The following ST3GAL4 variants were observed in gnomAD, a reference collection of about 807,000 sequenced individuals.
ST3GAL4 encodes the protein ST3 beta-galactoside alpha-2,3-sialyltransferase 4.
A neutral mutation model predicts 42.6 loss-of-function variants in ST3GAL4; 24 were observed. That is an observed-to-expected ratio of 0.56 (90% CI 0.41 to 0.79). The LOEUF (loss-of-function observed/expected upper bound fraction) is 0.79, where lower values mean the gene tolerates loss of function less well. Ranked by LOEUF, ST3GAL4 falls within the 30% of genes least tolerant of loss-of-function variation. The pLI is 0.00. For synonymous variants in ST3GAL4, 135 were observed against 163.2 expected, an observed-to-expected ratio of 0.83 and a Z score of 1.32; for missense variants, 311 against 430.8, an observed-to-expected ratio of 0.72 and a Z score of 2.46.
rs1952729399 is a variant in ST3GAL4 at position 126,373,528 on chromosome 11, G to A, written c.-61+17686G>A. ...ACCAAGGTATGATTTTCAAGTGGTT[G>A]GTGTCTTGTGACTGGCAGCTGATAA... On this transcript the variant is annotated intron_variant, in intron 1 of 10. Coordinates refer to ENST00000444328, the MANE Select transcript of ST3GAL4 (RefSeq NM_001254757.2). This position sits in a 1 kb window ranked among gnomAD's most constrained non-coding sequence, Gnocchi z 5.5. Among the ~76,000 whole-genome samples the A allele has an allele frequency of 6.6e-6, 1 of 152,168 alleles. No individual in the cohort carries two copies. The highest frequency in any genetic ancestry group is 2.4e-5 in the African/African-American group (1 of 41,432).
In ST3GAL4 at chr11:126,378,702, G is replaced by C. The variant is rs1237429813; in HGVS notation, c.-61+22860G>C. 6.6e-6 allele frequency among the ~76,000 whole-genome samples: 1 copy of C among 152,200 alleles called. No individual in the cohort carries two copies. Among genetic ancestry groups the C allele is most frequent in the African/African-American group, 2.4e-5 (1 of 41,446 alleles). On this transcript the variant is annotated intron_variant, in intron 1 of 10. Transcript: ENST00000444328. The surrounding 1 kb of genome is among the most constrained non-coding windows in gnomAD (Gnocchi z 5.3). ...CTGGTTTTCTTTCCAAATATGACCT[G>C]AGCATTGATCTGTCCAATAAGCAAG...
intron 1 of ST3GAL4, among the ~76,000 whole-genome samples, chr11:126,404,601 C>T (rs891396191): frequency 7.2e-5 from 11 of 152,206 alleles, no homozygotes; most frequent in Admixed American, 1.3e-4. Flanking sequence ...AGGTAAGGCA[C>T]GCCCCTTTCA....
chr11:126,390,001 G>C (rs1248847465), intron 1 of ST3GAL4, among the ~76,000 whole-genome samples: 1 of 103,344 alleles, frequency 9.7e-6, no homozygotes, highest in Non-Finnish European at 2.0e-5. Flanking sequence ...GTGAAACCCC[G>C]TCTCTGCTAA....
intron 9 of ST3GAL4, 59 bp from the exon 10 acceptor site, chr11:126,413,446 A>C: frequency 6.3e-7 from 1 of 1,597,102 alleles, no homozygotes; most frequent in Admixed American, 1.7e-5. Context: ...GAGCGCTGGC[A>C]GAGATGATGG....
At chr11:126,408,528 C>G in intron 8 of ST3GAL4, 32 bp downstream of exon 8, 1 of 1,611,240 alleles carries the variant, frequency 6.2e-7, no homozygotes, top group Non-Finnish European at 8.5e-7. Context: ...GGGCTGAGGC[C>G]TGGCGGTGGG....
At chr11:126,368,825 A>G (rs753521941) in intron 1 of ST3GAL4, among the ~76,000 whole-genome samples, 1 of 152,124 alleles carries the variant, frequency 6.6e-6, no homozygotes. Flanking sequence ...CCACTGTTTT[A>G]ACTTGGAGAG....
At position 126,410,576 on chromosome 11, in the gene ST3GAL4, G is replaced by T. The variant is rs528641766; in HGVS notation, c.771+1165G>T. Reference sequence around the variant, plus strand: ...TGTAAAATACCTATTCTGGAGACCGGTACACAGGGCCTGCCCTTTAAATAT... The same window carrying T: ...TGTAAAATACCTATTCTGGAGACCGTTACACAGGGCCTGCCCTTTAAATAT... On this transcript the variant is annotated intron_variant, in intron 9 of 10. Transcript: ENST00000444328. The surrounding 1 kb of genome is among the most constrained non-coding windows in gnomAD (Gnocchi z 5.3). Among the ~76,000 whole-genome samples, 4 of 152,304 alleles carry T rather than the reference G, an allele frequency of 2.6e-5. No individual in the cohort carries two copies. The highest frequency in any genetic ancestry group is 4.4e-5 in the Non-Finnish European group (3 of 68,026).
intron 1 of ST3GAL4, among the ~76,000 whole-genome samples, chr11:126,401,375 T>G (rs1176836537): frequency 6.6e-6 from 1 of 151,402 alleles, no homozygotes; most frequent in East Asian, 1.9e-4. Context: ...TGAAACCAGC[T>G]TGGCCAACAT....
In ST3GAL4 at chr11:126,391,898, G is replaced by A. The variant is rs76664171; in HGVS notation, c.-60-14198G>A. Among the ~76,000 whole-genome samples, 3,509 of 151,944 alleles carry A rather than the reference G, an allele frequency of 0.023. 150 individuals carry two copies. Among genetic ancestry groups the A allele is most frequent in the African/African-American group, 0.079 (3,266 of 41,328 alleles). ...AATGTTGTGAAGTGGAAATACTGGG[G>A]TGTGTTTTGAGGCTCAGAACACCTG... On this transcript the variant is annotated intron_variant, in intron 1 of 10. Transcript: ENST00000444328. This position sits in a 1 kb window ranked among gnomAD's most constrained non-coding sequence, Gnocchi z 5.5.
intron 1 of ST3GAL4, among the ~76,000 whole-genome samples, chr11:126,404,991 A>G (rs1954162499): frequency 6.6e-6 from 1 of 152,232 alleles, no homozygotes; most frequent in Non-Finnish European, 1.5e-5. Flanking sequence ...GTGCACAAAC[A>G]CTAGTGCTTG....
Position 126,406,203 on chromosome 11 carries a change from G to A in ST3GAL4, c.16+32G>A. On this transcript the variant is annotated intron_variant, in intron 2 of 10. Coordinates refer to ENST00000444328, the MANE Select transcript of ST3GAL4 (RefSeq NM_001254757.2). The surrounding 1 kb of genome is among the most constrained non-coding windows in gnomAD (Gnocchi z 5.4). ...GTCATCCGAGGGCTCCCCCACCCTGGAGGACAGGCCTCAGAAGCCGTCTTC... is the reference window on the plus strand; with the variant it reads ...GTCATCCGAGGGCTCCCCCACCCTGAAGGACAGGCCTCAGAAGCCGTCTTC... 1.3e-6 allele frequency: 2 copies of A among 1,556,582 alleles called. No individual in the cohort carries two copies. The highest frequency in any genetic ancestry group is 1.7e-6 in the Non-Finnish European group (2 of 1,150,244).
At chr11:126,413,898 C>CT (rs1954635232) in intron 10 of ST3GAL4, 63 bp from the exon 11 acceptor site, 3 of 1,590,998 alleles carry the variant, frequency 1.9e-6, no homozygotes, top group Admixed American at 3.4e-5. Context: ...GGCAGGGAGA[C>CT]TTTCCTGGGG....
chr11:126,358,378 G>A (rs1174252152), intron 1 of ST3GAL4: 1 of 384,328 alleles, frequency 2.6e-6, no homozygotes, highest in Non-Finnish European at 5.3e-6. Flanking sequence ...GGTGACTCTT[G>A]TTATTAACCC....
rs750807856 is a variant in ST3GAL4 at position 126,411,018 on chromosome 11, G to A, written c.771+1607G>A. Among the ~76,000 whole-genome samples, 6 of 152,192 alleles carry A rather than the reference G, an allele frequency of 3.9e-5. No individual in the cohort carries two copies. Among genetic ancestry groups the A allele is most frequent in the Non-Finnish European group, 8.8e-5 (6 of 68,034 alleles). Reference sequence around the variant, plus strand: ...TACAAGTGGCGTTGAAGGGCAACAAGGAGTTTCATGCCATTCATAGGATTA... The same window carrying A: ...TACAAGTGGCGTTGAAGGGCAACAAAGAGTTTCATGCCATTCATAGGATTA... On this transcript the variant is annotated intron_variant, in intron 9 of 10. Coordinates refer to ENST00000444328, the MANE Select transcript of ST3GAL4 (RefSeq NM_001254757.2). The surrounding 1 kb of genome is among the most constrained non-coding windows in gnomAD (Gnocchi z 6.3).
rs1433316966 is a variant in ST3GAL4 at position 126,408,083 on chromosome 11, C to T, written c.342-16C>T. Reference sequence around the variant, plus strand: ...AGAGTGTGGGGTGACATAGACCACTCCTCTTTCTATGGCAGCCTCAGGTGC... The same window carrying T: ...AGAGTGTGGGGTGACATAGACCACTTCTCTTTCTATGGCAGCCTCAGGTGC... On this transcript the variant is annotated splice_polypyrimidine_tract_variant and intron_variant, in intron 6 of 10. Coordinates refer to ENST00000444328, the MANE Select transcript of ST3GAL4 (RefSeq NM_001254757.2). 6.2e-7 allele frequency: 1 copy of T among 1,612,794 alleles called. No homozygotes were observed. The highest frequency in any genetic ancestry group is 1.3e-5 in the African/African-American group (1 of 75,006).
chr11:126,409,131 C>T lies in ST3GAL4; in HGVS notation c.628-137C>T, dbSNP rs1039203931. The T allele has an allele frequency of 1.3e-5, 14 of 1,100,862 alleles. No individual in the cohort carries two copies. The highest frequency in any genetic ancestry group is 1.0e-4 in the Admixed American group (5 of 48,074). The allele number at this position is 1,100,862 out of a possible 1,614,324, so 68.2% of individuals were successfully genotyped here. ...CCATCTGTGGCACAGACTTCACCTCCCTTTCCTCTCACCTTGTGCTCCTGA... is the reference window on the plus strand; with the variant it reads ...CCATCTGTGGCACAGACTTCACCTCTCTTTCCTCTCACCTTGTGCTCCTGA... On this transcript the variant is annotated intron_variant, in intron 8 of 10. Coordinates refer to ENST00000444328, the MANE Select transcript of ST3GAL4 (RefSeq NM_001254757.2). The surrounding 1 kb of genome is among the most constrained non-coding windows in gnomAD (Gnocchi z 4.9).
chr11:126,409,430 G>T lies in ST3GAL4; in HGVS notation c.771+19G>T. On this transcript the variant is annotated intron_variant, in intron 9 of 10. Transcript: ENST00000444328. The surrounding 1 kb of genome is among the most constrained non-coding windows in gnomAD (Gnocchi z 4.9). ...TAAGCAGGTGATGATGGGAAGTCAG[G>T]CCTGAGGGCTAGGATCCTGGGCGGG... 1 of 1,614,182 alleles carries T rather than the reference G, an allele frequency of 6.2e-7. No individual in the cohort carries two copies. The highest frequency in any genetic ancestry group is 8.5e-7 in the Non-Finnish European group (1 of 1,180,020).
chr11:126,368,545 G>A (rs566893127), intron 1 of ST3GAL4, among the ~76,000 whole-genome samples: 13 of 152,322 alleles, frequency 8.5e-5, no homozygotes, highest in African/African-American at 2.9e-4. Context: ...TGTGACCTCC[G>A]TGGCTCTCCT....
rs1439562958 is a variant in ST3GAL4 at position 126,396,996 on chromosome 11, G to C, written c.-60-9100G>C. ...AGGGATTTCCTACTGGTGTCTAGTA[G>C]GTAGAGGCCAGAGATGGCTGCTAAA... On this transcript the variant is annotated intron_variant, in intron 1 of 10. Transcript: ENST00000444328. This position sits in a 1 kb window ranked among gnomAD's most constrained non-coding sequence, Gnocchi z 5.8. Among the ~76,000 whole-genome samples the C allele has an allele frequency of 6.6e-6, 1 of 152,092 alleles. No individual in the cohort carries two copies. Among genetic ancestry groups the C allele is most frequent in the Non-Finnish European group, 1.5e-5 (1 of 68,038 alleles).
Sources: gnomAD v4.1 joint callset for allele counts (sites outside exome capture counted in the v4.1 genomes callset) on GRCh38, gnomAD v4.1.1 for gene constraint, Gnocchi (gnomAD v3.1) non-coding constraint, MANE v1.5 for transcripts, NCBI Gene and HGNC (gene_info 2026-07-23, HGNC 2026-07-21) for gene names.